HSF2BP: variants seen among roughly 807,000 people sequenced by gnomAD.
HSF2BP encodes the protein heat shock factor 2-binding protein.
HSF2BP carries 35 observed loss-of-function variants against 35.0 expected under a neutral mutation model. The ratio of observed to expected loss-of-function variants is 1.00; its 90% CI spans 0.76 to 1.32. HSF2BP has a LOEUF of 1.32. Ranked by LOEUF, HSF2BP falls within the 40% of genes most tolerant of loss-of-function variation. HSF2BP has a pLI of 0.00. For synonymous variants in HSF2BP, 114 were observed against 117.4 expected (o/e 0.97, Z 0.18); for missense variants, 326 against 321.7 (o/e 1.01, Z -0.10).
chr21:43,640,496 T>C (rs1185737542), intron 4 of HSF2BP, among the ~76,000 whole-genome samples: 1 of 152,232 alleles, frequency 6.6e-6, no homozygotes, highest in East Asian at 1.9e-4. Flanking sequence ...TACATGAATC[T>C]ACAAATGTCA....
chr21:43,575,170 A>G (rs2081627306), intron 8 of HSF2BP, among the ~76,000 whole-genome samples: 1 of 152,212 alleles, frequency 6.6e-6, no homozygotes, highest in Non-Finnish European at 1.5e-5. Context: ...GTTACAGGAT[A>G]TTTATATCAC....
At position 43,650,473 on chromosome 21, in the gene HSF2BP, G is replaced by A. The variant is rs985987930; in HGVS notation, c.188-6081C>T. ...GCCCACTTCGGCCTCCCAAAGTGCTGGGATTACAGGCATGAGCCACCGTGC... is the reference window on the plus strand; with the variant it reads ...GCCCACTTCGGCCTCCCAAAGTGCTAGGATTACAGGCATGAGCCACCGTGC... On this transcript the variant is annotated intron_variant, in intron 3 of 8. Transcript: ENST00000291560. Among the ~76,000 whole-genome samples the A allele has an allele frequency of 3.3e-5, 5 of 151,952 alleles. No individual in the cohort carries two copies. The South Asian group carries it at 8.3e-4, about 25-fold the overall frequency.
chr21:43,658,858 C>T (rs781217387), intron 1 of HSF2BP, among the ~76,000 whole-genome samples: 64 of 152,186 alleles, frequency 4.2e-4, no homozygotes, highest in Non-Finnish European at 8.2e-4. Flanking sequence ...GCGAGCCCTC[C>T]ACCCGCTCAA....
intron 6 of HSF2BP, among the ~76,000 whole-genome samples, chr21:43,622,525 C>T (rs987309978): frequency 2.0e-5 from 3 of 152,046 alleles, no homozygotes; most frequent in African/African-American, 7.2e-5. Flanking sequence ...GGAGTAGCTA[C>T]ATCTATATCA....
At chr21:43,589,186 C>T (rs1413097215) in intron 8 of HSF2BP, among the ~76,000 whole-genome samples, 2 of 152,180 alleles carry the variant, frequency 1.3e-5, no homozygotes, top group Non-Finnish European at 2.9e-5. Context: ...ATTATCTTTA[C>T]TACATAAGGG....
intron 6 of HSF2BP, among the ~76,000 whole-genome samples, chr21:43,621,978 A>G (rs1160810522): frequency 6.6e-6 from 1 of 152,218 alleles, no homozygotes; most frequent in South Asian, 2.1e-4. Flanking sequence ...AAAGACAGGT[A>G]ATATAAACAC....
At chr21:43,629,678 G>A (rs1030862466) in intron 6 of HSF2BP, among the ~76,000 whole-genome samples, 31 of 152,142 alleles carry the variant, frequency 2.0e-4, no homozygotes, top group African/African-American at 7.2e-4. Context: ...AACTACAGAC[G>A]TGGTGGCAGA....
chr21:43,631,288 T>C (rs2082452666), intron 5 of HSF2BP, among the ~76,000 whole-genome samples: 1 of 152,158 alleles, frequency 6.6e-6, no homozygotes, highest in Admixed American at 6.5e-5. Flanking sequence ...TCACCTTCAT[T>C]TCCAGTCATG....
Position 43,653,902 on chromosome 21 carries a change from T to TA in HSF2BP, c.187+2684dup, listed in dbSNP as rs2082830931. On this transcript the variant is annotated intron_variant, in intron 3 of 8. Coordinates refer to ENST00000291560, the MANE Select transcript of HSF2BP (RefSeq NM_007031.2). ...CGGAGTAGTGAGGAAGAGAGACAGGTAACAAGGAAGACTCCTGGGTCTCTA... is the reference window on the plus strand; with the variant it reads ...CGGAGTAGTGAGGAAGAGAGACAGGTAAACAAGGAAGACTCCTGGGTCTCTA... 2.0e-5 allele frequency among the ~76,000 whole-genome samples: 3 copies of TA among 151,894 alleles called. 1 individual carries two copies. The South Asian group carries it at 6.3e-4, about 32-fold the overall frequency.
intron 8 of HSF2BP, among the ~76,000 whole-genome samples, chr21:43,586,195 G>C (rs1440444184): frequency 1.3e-5 from 2 of 152,214 alleles, no homozygotes; most frequent in Non-Finnish European, 1.5e-5. Flanking sequence ...ATTTGCTCGA[G>C]TTCTATGCCA....
At chr21:43,654,382 G>A (rs972104342) in intron 3 of HSF2BP, among the ~76,000 whole-genome samples, 1 of 152,202 alleles carries the variant, frequency 6.6e-6, no homozygotes, top group Non-Finnish European at 1.5e-5. Context: ...CTATTTGAAC[G>A]TTGTAGTTTT....
intron 7 of HSF2BP, among the ~76,000 whole-genome samples, chr21:43,595,206 G>A (rs757034407): frequency 6.6e-5 from 10 of 152,264 alleles, no homozygotes; most frequent in Non-Finnish European, 1.5e-4. Flanking sequence ...AGGTTATAGT[G>A]AAGCAAGATC....
chr21:43,621,771 T>G (rs1460564816), intron 6 of HSF2BP, among the ~76,000 whole-genome samples: 3 of 151,336 alleles, frequency 2.0e-5, no homozygotes. Context: ...CACACTAACA[T>G]GCAGAAAGAA....
intron 7 of HSF2BP, among the ~76,000 whole-genome samples, chr21:43,599,222 T>C (rs1276552050): frequency 6.6e-6 from 1 of 152,166 alleles, no homozygotes; most frequent in East Asian, 1.9e-4. Context: ...TCAGTTATCC[T>C]TAAGAAGCTA....
intron 8 of HSF2BP, among the ~76,000 whole-genome samples, chr21:43,591,598 C>T (rs1477741422): frequency 6.6e-6 from 1 of 152,126 alleles, no homozygotes; most frequent in East Asian, 1.9e-4. Context: ...TACAATCAAT[C>T]CTACTTTCTA....
At chr21:43,633,579 G>C (rs2082512763) in intron 4 of HSF2BP, among the ~76,000 whole-genome samples, 158 bp from the exon 5 acceptor site, 2 of 152,160 alleles carry the variant, frequency 1.3e-5, no homozygotes. Context: ...ACCATAATCT[G>C]TATCTACAAA....
At chr21:43,595,810 C>T (rs937453662) in intron 7 of HSF2BP, among the ~76,000 whole-genome samples, 2 of 128,988 alleles carry the variant, frequency 1.6e-5, no homozygotes, top group African/African-American at 2.8e-5. Flanking sequence ...CTGCAACCTC[C>T]GCCTCCTGGG....
the HSF2BP span, among the ~76,000 whole-genome samples, chr21:43,467,924 C>A: frequency 8.4e-6 from 1 of 119,396 alleles, no homozygotes; most frequent in Non-Finnish European, 1.8e-5. Context: ...ACCACACACA[C>A]CACACACCAC....
intron 3 of HSF2BP, 88 bp from the exon 4 acceptor site, chr21:43,644,480 A>T (rs766113491): frequency 1.1e-6 from 1 of 939,756 alleles, no homozygotes; most frequent in Non-Finnish European, 1.7e-6. Context: ...GACTTAGTAA[A>T]ATGTGTACTG....
Sources: allele counts gnomAD v4.1 joint callset (sites outside exome capture counted in the v4.1 genomes callset), GRCh38; gene constraint gnomAD v4.1.1; transcripts MANE v1.5; gene names NCBI Gene and HGNC (gene_info 2026-07-23, HGNC 2026-07-21).